BEND4: variants seen among roughly 807,000 people sequenced by gnomAD.
The protein encoded by BEND4 is BEN domain-containing protein 4.
A neutral mutation model predicts 54.7 loss-of-function variants in BEND4; 27 were observed. The observed-to-expected ratio is 0.49, with a 90% CI of 0.36 to 0.68. The LOEUF is 0.68. Among genes scored for constraint, BEND4 ranks in the 30% least tolerant of loss-of-function variants. BEND4 has a pLI of 0.00. For synonymous variants in BEND4, 327 were observed against 299.5 expected (o/e 1.09, Z -0.95); for missense variants, 702 against 697.2 (o/e 1.01, Z -0.08).
At chr4:42,125,723 G>T in intron 3 of BEND4, 49 bp from the exon 4 acceptor site, 5 of 1,205,312 alleles carry the variant, frequency 4.1e-6, no homozygotes, top group Non-Finnish European at 5.8e-6. Context: ...CCCGTAACAT[G>T]AAAATAAATA....
At chr4:42,126,223 A>C (rs185836347) in intron 3 of BEND4, among the ~76,000 whole-genome samples, 2 of 152,394 alleles carry the variant, frequency 1.3e-5, no homozygotes, top group East Asian at 3.9e-4. Flanking sequence ...ACTTACTCCA[A>C]GATGAATTTG....
intron 3 of BEND4, 141 bp downstream of exon 3, chr4:42,143,287 C>A: frequency 1.3e-6 from 1 of 753,246 alleles, no homozygotes; most frequent in Non-Finnish European, 2.1e-6. Flanking sequence ...TCCAACTTTT[C>A]TACATCACTG....
chr4:42,142,479 A>G (rs1720923137), intron 3 of BEND4, among the ~76,000 whole-genome samples: 1 of 149,484 alleles, frequency 6.7e-6, no homozygotes, highest in African/African-American at 2.4e-5. Context: ...ATATATATAT[A>G]TAAACTTGCC....
Position 42,111,395 on chromosome 4 carries a change from G to A in BEND4, c.*6123C>T, listed in dbSNP as rs539616663. 11 of 152,286 alleles carry A rather than the reference G, an allele frequency of 7.2e-5. No individual in the cohort carries two copies. Among genetic ancestry groups the A allele is most frequent in the South Asian group, 4.1e-4 (2 of 4,828 alleles). 9.4% of individuals were successfully genotyped at this position (152,286 alleles called of 1,614,324 possible). ...AATAGAGTAAAGGCAACTCGGCCCC[G>A]GTGTTAGGCTGCTACATGAAGTTCC... On this transcript the variant is annotated 3_prime_UTR_variant, in exon 6 of 6. Transcript: ENST00000502486.
intron 4 of BEND4, among the ~76,000 whole-genome samples, chr4:42,124,616 G>T (rs1367859366): frequency 6.6e-6 from 1 of 152,132 alleles, no homozygotes; most frequent in Admixed American, 6.5e-5. Context: ...AGTCACCAGG[G>T]GCCTCTTGCA....
intron 3 of BEND4, among the ~76,000 whole-genome samples, chr4:42,139,271 T>G (rs370686637): frequency 3.3e-4 from 51 of 152,292 alleles, no homozygotes; most frequent in African/African-American, 1.1e-3. Flanking sequence ...GCTATTTCAT[T>G]GGGATAAAAT....
chr4:42,120,851 A>C (rs1031120138), intron 4 of BEND4, among the ~76,000 whole-genome samples: 3 of 152,228 alleles, frequency 2.0e-5, no homozygotes, highest in Non-Finnish European at 2.9e-5. Context: ...AATCACTAAT[A>C]ATCATGCAAA....
At chr4:42,151,518 G>C in intron 2 of BEND4, 139 bp downstream of exon 2, 1 of 870,748 alleles carries the variant, frequency 1.1e-6, no homozygotes, top group Non-Finnish European at 1.6e-6. Context: ...CGGGTGCGCG[G>C]GGAGGCCCCA....
At chr4:42,139,227 TGTG>T (rs1720801041) in intron 3 of BEND4, among the ~76,000 whole-genome samples, 1 of 152,234 alleles carries the variant, frequency 6.6e-6, no homozygotes, top group Admixed American at 6.5e-5. Context: ...AATTTTCTAG[TGTG>T]GTGATCTAAT....
At chr4:42,149,790 A>C (rs192975829) in intron 2 of BEND4, among the ~76,000 whole-genome samples, 11 of 152,292 alleles carry the variant, frequency 7.2e-5, no homozygotes, top group Admixed American at 6.5e-4. Flanking sequence ...GTAACCAAGG[A>C]AAGAACAGCA....
At chr4:42,152,418 T>G in intron 1 of BEND4, 42 bp from the exon 2 acceptor site, 3 of 198,136 alleles carry the variant, frequency 1.5e-5, no homozygotes, top group South Asian at 1.9e-4. Context: ...TTTAGGGTAA[T>G]ATCTGCTAAT....
chr4:42,119,773 A>T (rs1719988367), intron 5 of BEND4, among the ~76,000 whole-genome samples: 1 of 152,148 alleles, frequency 6.6e-6, no homozygotes, highest in Non-Finnish European at 1.5e-5. Context: ...GTTTTGCTGG[A>T]GGTGGCCTTC....
At chr4:42,141,985 C>A (rs1720901612) in intron 3 of BEND4, among the ~76,000 whole-genome samples, 1 of 151,800 alleles carries the variant, frequency 6.6e-6, no homozygotes, top group African/African-American at 2.4e-5. Flanking sequence ...GCTCACCGAA[C>A]CTCTGCCTCC....
chr4:42,149,728 A>G (rs1038314404), intron 2 of BEND4, among the ~76,000 whole-genome samples: 3 of 149,652 alleles, frequency 2.0e-5, no homozygotes, highest in African/African-American at 2.5e-5. Context: ...AAAAGGAAGG[A>G]AAAAAAAAAC....
At chr4:42,132,715 G>C (rs1044073312) in intron 3 of BEND4, among the ~76,000 whole-genome samples, 5 of 152,124 alleles carry the variant, frequency 3.3e-5, no homozygotes, top group African/African-American at 1.2e-4. Context: ...AAAGTGCTAG[G>C]ATTACAGGTG....
At position 42,110,869 on chromosome 4, in the gene BEND4, T is replaced by A. The variant is rs1719532794; in HGVS notation, c.*6649A>T. ...ACTCTTAGCTTCAGGGAGAGAAAAG[T>A]TATGTATTCAAAGAAACAGAAAAGT... On this transcript the variant is annotated 3_prime_UTR_variant, in exon 6 of 6. Coordinates refer to ENST00000502486, the MANE Select transcript of BEND4 (RefSeq NM_207406.4). 1 of 152,180 alleles carries A rather than the reference T, an allele frequency of 6.6e-6. No individual in the cohort carries two copies. The allele number at this position is 152,180 out of a possible 1,614,324, so 9.4% of individuals were successfully genotyped here.
At chr4:42,123,996 G>A (rs1021632814) in intron 4 of BEND4, among the ~76,000 whole-genome samples, 7 of 152,230 alleles carry the variant, frequency 4.6e-5, no homozygotes, top group African/African-American at 1.2e-4. Flanking sequence ...GTGGTCTACA[G>A]TGAAGCCACA....
intron 2 of BEND4, 110 bp downstream of exon 2, chr4:42,151,547 G>A (rs531512101): frequency 2.6e-6 from 3 of 1,173,720 alleles, no homozygotes; most frequent in Middle Eastern, 2.8e-4. Context: ...CCGACATCCC[G>A]ACACGGCCCA....
At chr4:42,147,700 T>C (rs1225773362) in intron 2 of BEND4, among the ~76,000 whole-genome samples, 1 of 152,172 alleles carries the variant, frequency 6.6e-6, no homozygotes, top group African/African-American at 2.4e-5. Flanking sequence ...GAGATAATAT[T>C]ATGCTGCAAA....
Sources: allele counts gnomAD v4.1 joint callset (sites outside exome capture counted in the v4.1 genomes callset), GRCh38; gene constraint gnomAD v4.1.1; transcripts MANE v1.5; gene names NCBI Gene and HGNC (gene_info 2026-07-23, HGNC 2026-07-21).